Variants in SLC2A9 observed in about 807,000 individuals in gnomAD.
The protein encoded by SLC2A9 is solute carrier family 2, facilitated glucose transporter member 9.
A neutral mutation model predicts 50.6 loss-of-function variants in SLC2A9; 39 were observed. The ratio of observed to expected loss-of-function variants is 0.77; its 90% CI spans 0.60 to 1.01. SLC2A9 has a LOEUF of 1.01. Ranked by LOEUF, SLC2A9 falls within the 50% of genes least tolerant of loss-of-function variation. The pLI is 0.00. For missense variants in SLC2A9, 686 were observed against 677.6 expected, an observed-to-expected ratio of 1.01 and a Z score of -0.14; for synonymous variants, 324 against 276.9, an observed-to-expected ratio of 1.17 and a Z score of -1.69.
intron 3 of SLC2A9, among the ~76,000 whole-genome samples, chr4:9,815,120 A>G (rs983408523): frequency 1.3e-5 from 2 of 152,184 alleles, no homozygotes; most frequent in African/African-American, 2.4e-5. Context: ...ATCATACACA[A>G]TAGTGTGAAA....
chr4:9,931,424 T>C (rs928897714), intron 6 of SLC2A9, among the ~76,000 whole-genome samples: 2 of 152,122 alleles, frequency 1.3e-5, no homozygotes, highest in Admixed American at 6.5e-5. Flanking sequence ...CAGTTACAGA[T>C]TCAACTTTAT....
chr4:9,775,416 G>A (rs181177345), downstream of SLC2A9, among the ~76,000 whole-genome samples: 1 of 152,132 alleles, frequency 6.6e-6, no homozygotes, highest in Non-Finnish European at 1.5e-5. Context: ...AAGGGGACCT[G>A]GAAACCAGGA....
chr4:10,038,261 C>A (rs1041389537), intron 1 of SLC2A9, among the ~76,000 whole-genome samples: 1 of 151,996 alleles, frequency 6.6e-6, no homozygotes, highest in African/African-American at 2.4e-5. Flanking sequence ...AATCCCAGTG[C>A]TTTGAGAGGC....
intron 3 of SLC2A9, chr4:9,995,646 A>G (rs1232656995): frequency 5.3e-5 from 8 of 152,216 alleles, no homozygotes; most frequent in Non-Finnish European, 2.9e-5. Context: ...TGTCAAGGTG[A>G]TGATGAGGGA....
intron 7 of SLC2A9, among the ~76,000 whole-genome samples, chr4:9,914,394 A>G (rs1742466785): frequency 6.6e-6 from 1 of 152,294 alleles, no homozygotes; most frequent in South Asian, 2.1e-4. Flanking sequence ...AGCAAATGTC[A>G]GCTCCCATTC....
chr4:9,881,231 G>T (rs1250434078), intron 10 of SLC2A9, among the ~76,000 whole-genome samples: 1 of 152,242 alleles, frequency 6.6e-6, no homozygotes, highest in Non-Finnish European at 1.5e-5. Context: ...TTGGAATCAT[G>T]CAGTGTTAGA....
intron 10 of SLC2A9, chr4:9,880,036 T>G: frequency 1.0e-6 from 1 of 985,426 alleles, no homozygotes; most frequent in Non-Finnish European, 1.2e-6. Flanking sequence ...CCCTCTTCTT[T>G]AATCATGGAG....
chr4:10,008,940 T>C (rs1213118445), intron 2 of SLC2A9, among the ~76,000 whole-genome samples: 2 of 151,836 alleles, frequency 1.3e-5, no homozygotes, highest in Non-Finnish European at 2.9e-5. Context: ...CTGTTGCTTT[T>C]ATAGTTACTG....
chr4:9,827,252 C>T (rs1339647348), intron 11 of SLC2A9, among the ~76,000 whole-genome samples: 2 of 152,224 alleles, frequency 1.3e-5, no homozygotes, highest in African/African-American at 4.8e-5. Flanking sequence ...TCTGTAGCTC[C>T]TGTGCCTTAT....
At chr4:9,780,790 TC>T (rs1718247942) in intron 3 of SLC2A9, among the ~76,000 whole-genome samples, 1 of 152,172 alleles carries the variant, frequency 6.6e-6, no homozygotes. Flanking sequence ...TTTCCATCAT[TC>T]TTTTTTTTCA....
At chr4:9,885,763 G>T (rs62293294) in intron 10 of SLC2A9, among the ~76,000 whole-genome samples, 2 of 152,178 alleles carry the variant, frequency 1.3e-5, no homozygotes, top group African/African-American at 4.8e-5. Context: ...CACACAGGCC[G>T]CATGCAGCCC....
At chr4:9,782,808 C>G in intron 3 of SLC2A9, 1 of 1,613,812 alleles carries the variant, frequency 6.2e-7, no homozygotes, top group Non-Finnish European at 8.5e-7. Context: ...CGCAGGATTT[C>G]CTCCCTGGAG....
chr4:9,938,707 T>C (rs2110241871), intron 6 of SLC2A9, among the ~76,000 whole-genome samples: 1 of 152,354 alleles, frequency 6.6e-6, no homozygotes, highest in South Asian at 2.1e-4. Flanking sequence ...ATCTCGCTTC[T>C]GTGATGAACT....
At chr4:9,993,119 T>A (rs570414676) in intron 3 of SLC2A9, among the ~76,000 whole-genome samples, 5 of 152,224 alleles carry the variant, frequency 3.3e-5, no homozygotes, top group Admixed American at 6.5e-5. Flanking sequence ...TTACTCCTTG[T>A]AGGTGCTCAA....
intron 11 of SLC2A9, among the ~76,000 whole-genome samples, chr4:9,827,816 ATGGGC>A (rs888637026): frequency 2.6e-5 from 4 of 152,158 alleles, no homozygotes; most frequent in African/African-American, 9.7e-5. Flanking sequence ...GGGGGAGAGT[ATGGGC>A]TCTGAAGCCA....
intron 7 of SLC2A9, among the ~76,000 whole-genome samples, chr4:9,912,374 C>T (rs1435018319): frequency 6.6e-6 from 1 of 152,110 alleles, no homozygotes; most frequent in African/African-American, 2.4e-5. Flanking sequence ...CTCTTTTCAG[C>T]CTCCTTCTTG....
At chr4:9,889,820 T>C (rs369437290) in intron 9 of SLC2A9, among the ~76,000 whole-genome samples, 1 of 152,366 alleles carries the variant, frequency 6.6e-6, no homozygotes, top group South Asian at 2.1e-4. Context: ...GTTCAGTTAA[T>C]GCAAGCTGCC....
intron 8 of SLC2A9, among the ~76,000 whole-genome samples, chr4:9,906,962 AT>A (rs1740801949): frequency 6.6e-6 from 1 of 152,100 alleles, no homozygotes; most frequent in Non-Finnish European, 1.5e-5. Context: ...TATGGTATCT[AT>A]TTTTTAAAAG....
intron 5 of SLC2A9, among the ~76,000 whole-genome samples, chr4:9,967,267 A>G (rs1204120345): frequency 6.6e-6 from 1 of 152,214 alleles, no homozygotes. Flanking sequence ...ATCAGAATAC[A>G]AAAAGTTATA....
Sources: gnomAD v4.1 joint callset for allele counts (sites outside exome capture counted in the v4.1 genomes callset) on GRCh38, gnomAD v4.1.1 for gene constraint, MANE v1.5 for transcripts, NCBI Gene and HGNC (gene_info 2026-07-23, HGNC 2026-07-21) for gene names.